Variants in USP24 observed in about 807,000 individuals in gnomAD.
USP24 encodes ubiquitin carboxyl-terminal hydrolase 24.
In USP24, 97 loss-of-function variants were observed where a neutral mutation model predicts 361.6. That is an observed-to-expected ratio of 0.27 (90% CI 0.23 to 0.32). The LOEUF is 0.32. Among genes scored for constraint, USP24 ranks in the 10% least tolerant of loss-of-function variants. The pLI is 1.00. For missense variants in USP24, 2,353 were observed against 3,165.6 expected (o/e 0.74, Z 6.16); for synonymous variants, 1,098 against 1,124.6 (o/e 0.98, Z 0.47).
chr1:55,128,986 T>C (rs1646517312), intron 32 of USP24, among the ~76,000 whole-genome samples: 1 of 152,110 alleles, frequency 6.6e-6, no homozygotes, highest in Non-Finnish European at 1.5e-5. Flanking sequence ...CCTGAAAGTG[T>C]TGGGATTACA....
Position 55,144,153 on chromosome 1 carries a change from G to A in USP24, c.2413C>T (p.Arg805Ter), listed in dbSNP as rs1283214026. 6.2e-7 allele frequency: 1 copy of A among 1,606,086 alleles called. No homozygotes were observed. The highest frequency in any genetic ancestry group is 8.5e-7 in the Non-Finnish European group (1 of 1,177,208). Reference protein sequence around the residue: ...FFENVNLCDHRLKRQGAQLYV... With the variant: ...FFENVNLCDH ...AACTGAGCTCCTTGTCTTTTCAATC[G>A]ATGATCACAAAGATTCACATTTTCA... The change falls in exon 21 of 68, where the codon CGA becomes TGA. Residue 805 changes from arginine to a stop codon, truncating the protein, a stop_gained. Transcript: ENST00000294383. LOFTEE classifies it high-confidence loss of function.
At chr1:55,137,747 A>T (rs1162043043) in intron 27 of USP24, 59 bp from the exon 28 acceptor site, 2 of 1,555,956 alleles carry the variant, frequency 1.3e-6, no homozygotes, top group East Asian at 2.4e-5. Flanking sequence ...TATTCATATC[A>T]GGCTAAATAT....
intron 58 of USP24, among the ~76,000 whole-genome samples, chr1:55,082,954 A>G (rs1298904232): frequency 6.6e-6 from 1 of 152,078 alleles, no homozygotes; most frequent in Non-Finnish European, 1.5e-5. Context: ...CCACCAAGAC[A>G]GCCTTGTTCA....
chr1:55,144,043 TCAATTATAACA>T lies in USP24; in HGVS notation c.2439+73_2439+83del, dbSNP rs1454476232. ...TTACCAAAAAAATCCATGTTATCTC[TCAATTATAACA>T]CTTTTTTTTTTGCTGAATATCAAGT... is the stretch of plus-strand genomic sequence containing the variant. On this transcript the variant is annotated intron_variant, in intron 21 of 67. Coordinates refer to ENST00000294383, the MANE Select transcript of USP24 (RefSeq NM_015306.3). The T allele has an allele frequency of 6.0e-6, 7 of 1,168,034 alleles. No individual in the cohort carries two copies. In the Admixed American group the frequency reaches 9.6e-5, roughly 16 times the overall value. The allele number at this position is 1,168,034 out of a possible 1,614,324, so 72.4% of individuals were successfully genotyped here. A position where few individuals can be genotyped will look rare whatever the true frequency, so the allele number is the denominator to read the frequency against.
rs772383171 is a variant in USP24, at chr1:55,147,052, C to G, written c.2127G>C (p.Glu709Asp). Residue 709 changes from glutamate to aspartate, a missense_variant, in exon 19 of 68, where the codon GAG (glutamate) becomes GAC (aspartate). This residue lies in a region of USP24 where 949 missense variants were observed against 1,280.5 expected (regional missense o/e 0.74). Coordinates refer to ENST00000294383, the MANE Select transcript of USP24 (RefSeq NM_015306.3). ...AAAACGCTAGAAATTTTAGATGTGC[C>G]TCTAAATACTGCAAAAAGAAATAAT... Reference protein sequence around the residue: ...DGRYTYREYLEAHLKFLAFFL... With the variant: ...DGRYTYREYLDAHLKFLAFFL... 1.7e-5 allele frequency: 27 copies of G among 1,574,110 alleles called. No individual in the cohort carries two copies. Among genetic ancestry groups the G allele is most frequent in the Admixed American group, 1.9e-5 (1 of 51,470 alleles).
chr1:55,120,380 T>C (rs775487310), intron 38 of USP24, among the ~76,000 whole-genome samples: 4 of 152,038 alleles, frequency 2.6e-5, no homozygotes, highest in Non-Finnish European at 5.9e-5. Flanking sequence ...ATGAATCACA[T>C]GGGGTGAAGT....
At chr1:55,202,385 C>T (rs1244975910) in intron 1 of USP24, among the ~76,000 whole-genome samples, 1 of 151,204 alleles carries the variant, frequency 6.6e-6, no homozygotes, top group Non-Finnish European at 1.5e-5. Flanking sequence ...CTGTTTCAAG[C>T]GATTTGTATA....
chr1:55,153,392 G>A (rs570001385), intron 16 of USP24, among the ~76,000 whole-genome samples: 3 of 152,254 alleles, frequency 2.0e-5, no homozygotes, highest in African/African-American at 7.2e-5. Context: ...CTGAATGACT[G>A]CCTATAGAAT....
rs1645197136 is a variant in USP24 at position 55,083,752 on chromosome 1, T to C, written c.6882+20A>G. On this transcript the variant is annotated intron_variant, in intron 57 of 67. Transcript: ENST00000294383. ...AAATCTTCTGTATTAGGAAAAGATA[T>C]TAGGAAAAAAATTATTTACCTTTTG... The C allele has an allele frequency of 1.3e-6, 2 of 1,531,472 alleles. No homozygotes were observed. The highest frequency in any genetic ancestry group is 1.2e-5 in the South Asian group (1 of 80,442). The allele number at this position is 1,531,472 out of a possible 1,614,324, so 94.9% of individuals were successfully genotyped here.
Position 55,083,807 on chromosome 1 carries a change from G to C in USP24, c.6847C>G (p.Gln2283Glu). 6.2e-7 allele frequency: 1 copy of C among 1,602,786 alleles called. No homozygotes were observed. Among genetic ancestry groups the C allele is most frequent in the Non-Finnish European group, 8.5e-7 (1 of 1,174,208 alleles). The change falls in exon 57 of 68, where the codon CAG (glutamine) becomes GAG (glutamate). Residue 2283 changes from glutamine to glutamate, a missense_variant. Coordinates refer to ENST00000294383, the MANE Select transcript of USP24 (RefSeq NM_015306.3). Reference sequence around the variant, plus strand: ...AAAGTGTTGAACAGGAAAAAGTACTGAGCACAGTTTTTACAATTTTCTGGG... The same window carrying C: ...AAAGTGTTGAACAGGAAAAAGTACTCAGCACAGTTTTTACAATTTTCTGGG... The part of the protein sequence containing the change: ...DVPENCKNCA[Q>E]YFFLFNTFVQ...
chr1:55,133,705 T>C (rs1646657587), intron 30 of USP24, among the ~76,000 whole-genome samples: 1 of 151,322 alleles, frequency 6.6e-6, no homozygotes, highest in East Asian at 2.0e-4. Context: ...TGTGTAATCT[T>C]GGCTCACTGC....
Position 55,083,788 on chromosome 1 carries a change from T to C in USP24, c.6866A>G (p.Asn2289Ser), listed in dbSNP as rs200407875. 58 of 1,593,222 alleles carry C rather than the reference T, an allele frequency of 3.6e-5. No homozygotes were observed. The highest frequency in any genetic ancestry group is 1.3e-5 in the African/African-American group (1 of 74,502). ...KNCAQYFFLF[N>S]TFVQKQGIRA... Reference sequence around the variant, plus strand: ...ATTATTTACCTTTTGTACAAAAGTGTTGAACAGGAAAAAGTACTGAGCACA... The same window carrying C: ...ATTATTTACCTTTTGTACAAAAGTGCTGAACAGGAAAAAGTACTGAGCACA... The change falls in exon 57 of 68, where the codon AAC becomes AGC. Residue 2289 changes from asparagine to serine, a missense_variant. By Grantham distance (46) the Asn-to-Ser change is conservative (BLOSUM62 1). This residue lies in a region of USP24 where 598 missense variants were observed against 761.9 expected (regional missense o/e 0.78). Transcript: ENST00000294383.
At chr1:55,184,362 A>C (rs908203171) in intron 1 of USP24, among the ~76,000 whole-genome samples, 4 of 152,174 alleles carry the variant, frequency 2.6e-5, no homozygotes, top group Non-Finnish European at 5.9e-5. Context: ...CAGCCAGGAA[A>C]GGTTATTTTG....
chr1:55,109,322 G>C (rs914274359), intron 39 of USP24, among the ~76,000 whole-genome samples: 5 of 152,210 alleles, frequency 3.3e-5, no homozygotes, highest in Admixed American at 1.3e-4. Context: ...GAAAGCATCT[G>C]CCACCATAGA....
chr1:55,098,552 C>T lies in USP24; in HGVS notation c.5377G>A (p.Gly1793Arg). 2 of 1,610,266 alleles carry T rather than the reference C, an allele frequency of 1.2e-6. No individual in the cohort carries two copies. Among genetic ancestry groups the T allele is most frequent in the Non-Finnish European group, 8.5e-7 (1 of 1,177,666 alleles). The change falls in exon 46 of 68, where the codon GGG (glycine) becomes AGG (arginine). Residue 1793 changes from glycine to arginine, a missense_variant. Transcript: ENST00000294383. The part of the protein sequence containing the change: ...DQMDEYLKKM[G>R]RDQIFKNTFQ... ...GTATTCTTAAAAATTTGGTCTCTCC[C>T]CATTTTCTGTTGGAATGAAAAGTTA... is the stretch of plus-strand genomic sequence containing the variant.
chr1:55,193,567 A>T (rs1464727797), intron 1 of USP24, among the ~76,000 whole-genome samples: 1 of 152,154 alleles, frequency 6.6e-6, no homozygotes, highest in African/African-American at 2.4e-5. Context: ...GACTGCAGTT[A>T]TGCTGGGCCC....
chr1:55,157,833 CAAA>C (rs1179133312), intron 10 of USP24, among the ~76,000 whole-genome samples: 10 of 77,680 alleles, frequency 1.3e-4, no homozygotes, highest in Admixed American at 1.5e-4. Flanking sequence ...GACTCCATCT[CAAA>C]AAAAAAAAAA....
In USP24 at chr1:55,158,942, A is replaced by C; in HGVS notation, c.1163T>G (p.Leu388Arg). 6.2e-7 allele frequency: 1 copy of C among 1,600,562 alleles called. No homozygotes were observed. The highest frequency in any genetic ancestry group is 8.5e-7 in the Non-Finnish European group (1 of 1,172,262). Reference protein sequence around the residue: ...DLVTIVDDLRLDILLRMLKSP... With the variant: ...DLVTIVDDLRRDILLRMLKSP... The stretch of plus-strand genomic sequence containing the variant: ...TTTCAGCATGCGCAATAGAATATCT[A>C]GTCGAAGGTCATCCACAATTGTCAC... Residue 388 changes from leucine to arginine, a missense_variant, in exon 10 of 68, where the codon CTA becomes CGA. Physicochemically the swap from Leu to Arg is moderately radical, Grantham distance 102 (BLOSUM62 -2). Coordinates refer to ENST00000294383, the MANE Select transcript of USP24 (RefSeq NM_015306.3).
chr1:55,132,619 T>C lies in USP24; in HGVS notation c.3463A>G (p.Ser1155Gly). 1 of 1,613,756 alleles carries C rather than the reference T, an allele frequency of 6.2e-7. No homozygotes were observed. Among genetic ancestry groups the C allele is most frequent in the South Asian group, 1.1e-5 (1 of 91,076 alleles). The change falls in exon 31 of 68, where the codon AGT becomes GGT. Residue 1155 changes from serine to glycine, a missense_variant. This residue lies in a region of USP24 where 949 missense variants were observed against 1,280.5 expected (regional missense o/e 0.74). Transcript: ENST00000294383. Reference protein sequence around the residue: ...SSKQQHQPSASSILESLFRSF... With the variant: ...SSKQQHQPSAGSILESLFRSF... ...CGAAACAGACTTTCTAAAATTGAACTGGCACTTGGCTGGTGCTGTTGCTTT... is the reference window on the plus strand; with the variant it reads ...CGAAACAGACTTTCTAAAATTGAACCGGCACTTGGCTGGTGCTGTTGCTTT...
Sources: allele counts gnomAD v4.1 joint callset (sites outside exome capture counted in the v4.1 genomes callset), GRCh38; gene constraint gnomAD v4.1.1; regional missense constraint gnomAD v4.1.1; transcripts MANE v1.5; gene names NCBI Gene and HGNC (gene_info 2026-07-23, HGNC 2026-07-21).